C8orf34: variants seen among roughly 807,000 people sequenced by gnomAD.
The protein encoded by C8orf34 is uncharacterized protein C8orf34.
In C8orf34, 65 loss-of-function variants were observed where a neutral mutation model predicts 68.3. The ratio of observed to expected loss-of-function variants is 0.95; its 90% CI spans 0.78 to 1.17. C8orf34 has a LOEUF of 1.17. Among genes scored for constraint, C8orf34 ranks in the 50% most tolerant of loss-of-function variants. C8orf34 has a pLI of 0.00. For missense variants in C8orf34, 664 were observed against 655.4 expected, an observed-to-expected ratio of 1.01 and a Z score of -0.14; for synonymous variants, 244 against 241.2, an observed-to-expected ratio of 1.01 and a Z score of -0.11.
Position 68,530,927 on chromosome 8 carries a change from T to C in C8orf34, c.939-2056T>C, listed in dbSNP as rs186724746. On this transcript the variant is annotated intron_variant, in intron 6 of 13. Transcript: ENST00000518698. ...CTTATTTTTTCCCTCACCTTTTTAC[T>C]TTTAAAAGTTTCAAACCACAGAATA... Among the ~76,000 whole-genome samples, 346 of 152,240 alleles carry C rather than the reference T, an allele frequency of 2.3e-3. 2 individuals carry two copies. Among genetic ancestry groups the C allele is most frequent in the African/African-American group, 7.8e-3 (325 of 41,562 alleles).
intron 9 of C8orf34, among the ~76,000 whole-genome samples, chr8:68,709,479 G>A (rs1363022064): frequency 6.6e-6 from 1 of 152,030 alleles, no homozygotes; most frequent in Non-Finnish European, 1.5e-5. Context: ...TCACGTCATT[G>A]ATCCAGTCAT....
intron 12 of C8orf34, among the ~76,000 whole-genome samples, chr8:68,802,658 C>T (rs888640793): frequency 1.3e-5 from 2 of 151,858 alleles, no homozygotes; most frequent in Admixed American, 6.6e-5. Context: ...GCCACCATGC[C>T]AGATAATTTT....
intron 12 of C8orf34, chr8:68,792,075 T>A (rs1356120643): frequency 6.6e-6 from 1 of 152,138 alleles, no homozygotes; most frequent in Non-Finnish European, 1.5e-5. Flanking sequence ...TGTGTAAATG[T>A]AAGAACTGGG....
intron 1 of C8orf34, among the ~76,000 whole-genome samples, chr8:68,371,601 C>CTT (rs747648137): frequency 2.9e-5 from 4 of 138,330 alleles, no homozygotes; most frequent in Non-Finnish European, 4.7e-5. Context: ...TCATTTCTTT[C>CTT]TTTTTTTTTT....
At chr8:68,640,929 C>G (rs1174683750) in intron 8 of C8orf34, among the ~76,000 whole-genome samples, 1 of 152,192 alleles carries the variant, frequency 6.6e-6, no homozygotes, top group Non-Finnish European at 1.5e-5. Flanking sequence ...CTGTTCACCT[C>G]CTGGAAAGAA....
intron 1 of C8orf34, among the ~76,000 whole-genome samples, chr8:68,377,775 C>A (rs545862548): frequency 6.6e-6 from 1 of 152,050 alleles, no homozygotes; most frequent in African/African-American, 2.4e-5. Flanking sequence ...AAAACATATC[C>A]AAGACTGAGT....
intron 7 of C8orf34, among the ~76,000 whole-genome samples, chr8:68,538,240 A>G (rs1421179375): frequency 1.3e-5 from 2 of 152,136 alleles, no homozygotes; most frequent in African/African-American, 4.8e-5. Context: ...TACCTTGTAA[A>G]GGCATGAGAC....
chr8:68,784,107 T>C (rs1361670617), intron 11 of C8orf34, among the ~76,000 whole-genome samples: 2 of 152,154 alleles, frequency 1.3e-5, no homozygotes, highest in Non-Finnish European at 2.9e-5. Flanking sequence ...TTCTCTTCCA[T>C]GATCGCATCC....
chr8:68,478,287 G>T (rs577985317), intron 4 of C8orf34, among the ~76,000 whole-genome samples: 1 of 152,126 alleles, frequency 6.6e-6, no homozygotes, highest in Non-Finnish European at 1.5e-5. Context: ...AGCATAGCAA[G>T]AGTGACCTTT....
chr8:68,394,406 A>G lies in C8orf34; in HGVS notation c.328-45093A>G, dbSNP rs184746811. On this transcript the variant is annotated intron_variant, in intron 1 of 13. Transcript: ENST00000518698. Reference sequence around the variant, plus strand: ...TTCCAATTTCATCCATGTCCCTACAAAGGACATGAACTCATCATTTTTTAT... The same window carrying G: ...TTCCAATTTCATCCATGTCCCTACAGAGGACATGAACTCATCATTTTTTAT... Among the ~76,000 whole-genome samples, 881 of 151,896 alleles carry G rather than the reference A, an allele frequency of 5.8e-3. 23 individuals carry two copies. In the East Asian group the frequency reaches 0.091, roughly 16 times the overall value.
At chr8:68,535,120 A>G (rs530014309) in intron 7 of C8orf34, 98 of 984,912 alleles carry the variant, frequency 1.0e-4, no homozygotes, top group African/African-American at 9.4e-4. Flanking sequence ...AAATAATGCC[A>G]TATTCAATTT....
chr8:68,389,568 C>A (rs1808397752), intron 1 of C8orf34, among the ~76,000 whole-genome samples: 1 of 152,108 alleles, frequency 6.6e-6, no homozygotes, highest in African/African-American at 2.4e-5. Context: ...GGTACATTAG[C>A]CTCCCTTGTT....
intron 1 of C8orf34, chr8:68,331,558 A>T: frequency 1.7e-6 from 1 of 595,932 alleles, no homozygotes; most frequent in South Asian, 1.8e-5. Flanking sequence ...GAACGCGGAC[A>T]GGTGAGCTCG....
At chr8:68,446,284 T>G (rs2129626756) in intron 2 of C8orf34, 45 bp from the exon 3 acceptor site, 1 of 1,523,302 alleles carries the variant, frequency 6.6e-7, no homozygotes, top group East Asian at 2.3e-5. Flanking sequence ...TTGCTCAATC[T>G]TGAAATCACT....
At chr8:68,745,875 C>G (rs927862012) in intron 10 of C8orf34, among the ~76,000 whole-genome samples, 3 of 152,114 alleles carry the variant, frequency 2.0e-5, no homozygotes. Context: ...CAGGTCTGCA[C>G]CAAGTGGACC....
chr8:68,641,389 A>C (rs1819005626), intron 8 of C8orf34, among the ~76,000 whole-genome samples: 1 of 152,214 alleles, frequency 6.6e-6, no homozygotes, highest in South Asian at 2.1e-4. Flanking sequence ...AAAAATAGAA[A>C]GGACAGCTCT....
At chr8:68,516,443 G>A (rs1013671320) in intron 5 of C8orf34, among the ~76,000 whole-genome samples, 1 of 152,118 alleles carries the variant, frequency 6.6e-6, no homozygotes, top group African/African-American at 2.4e-5. Flanking sequence ...GTATAATCAA[G>A]TGCTGTGCTG....
intron 8 of C8orf34, among the ~76,000 whole-genome samples, chr8:68,697,499 ATAGT>A (rs1235954474): frequency 4.6e-5 from 7 of 152,056 alleles, no homozygotes; most frequent in African/African-American, 1.7e-4. Context: ...ATCTTTAACC[ATAGT>A]TGTTAGAATG....
intron 1 of C8orf34, among the ~76,000 whole-genome samples, chr8:68,359,809 G>T (rs369068366): frequency 8.5e-5 from 13 of 152,286 alleles, no homozygotes; most frequent in African/African-American, 2.9e-4. Flanking sequence ...AAAGGGACAT[G>T]AAAATTGAGG....
Sources: gnomAD v4.1 joint callset for allele counts (sites outside exome capture counted in the v4.1 genomes callset) on GRCh38, gnomAD v4.1.1 for gene constraint, MANE v1.5 for transcripts, NCBI Gene and HGNC (gene_info 2026-07-23, HGNC 2026-07-21) for gene names.